GPRC5B: variants seen among roughly 807,000 people sequenced by gnomAD.
The protein encoded by GPRC5B is G protein-coupled receptor class C group 5 member B.
GPRC5B carries 16 observed loss-of-function variants against 30.1 expected under a neutral mutation model. The ratio of observed to expected loss-of-function variants is 0.53; its 90% CI spans 0.36 to 0.81. GPRC5B has a LOEUF of 0.81. Among genes scored for constraint, GPRC5B ranks in the 30% least tolerant of loss-of-function variants. The pLI is 0.01. For missense variants in GPRC5B, 428 were observed against 544.7 expected, an observed-to-expected ratio of 0.79 and a Z score of 2.13; for synonymous variants, 241 against 239.5, an observed-to-expected ratio of 1.01 and a Z score of -0.06.
chr16:19,862,109 T>C (rs2056630435), intron 2 of GPRC5B, 136 bp from the exon 3 acceptor site: 2 of 708,384 alleles, frequency 2.8e-6, no homozygotes, highest in Non-Finnish European at 4.7e-6. Flanking sequence ...GTCACAAGCC[T>C]GATTCAAAAC....
In GPRC5B at chr16:19,872,840, G is replaced by C. The variant is rs1286194460; in HGVS notation, c.6C>G (p.Phe2Leu). The change falls in exon 2 of 4, where the codon TTC becomes TTG. Residue 2 changes from phenylalanine to leucine, a missense_variant. By Grantham distance (22) the Phe-to-Leu change is conservative. Transcript: ENST00000300571. This position sits in a 1 kb window ranked among gnomAD's most constrained non-coding sequence, Gnocchi z 5.0. M[F>L]VASERKMRAH... Reference sequence around the variant, plus strand: ...CTCTCATCTTTCTCTCTGATGCCACGAACATTCTAGAAAAGCCAAGAGGGG... The same window carrying C: ...CTCTCATCTTTCTCTCTGATGCCACCAACATTCTAGAAAAGCCAAGAGGGG... The C allele has an allele frequency of 1.2e-6, 2 of 1,608,976 alleles. No homozygotes were observed. Among genetic ancestry groups the C allele is most frequent in the Non-Finnish European group, 1.7e-6 (2 of 1,176,308 alleles).
intron 2 of GPRC5B, among the ~76,000 whole-genome samples, chr16:19,866,614 A>G (rs1490842690): frequency 6.6e-6 from 1 of 150,934 alleles, no homozygotes; most frequent in African/African-American, 2.4e-5. Context: ...TTTTGAGCTC[A>G]AGCAATCTGC....
intron 1 of GPRC5B, among the ~76,000 whole-genome samples, chr16:19,878,993 C>T (rs1327333526): frequency 1.3e-5 from 2 of 152,098 alleles, no homozygotes; most frequent in African/African-American, 2.4e-5. Context: ...CACAAGGACA[C>T]GTATAGCAGC....
chr16:19,871,074 C>T (rs1172730565), intron 2 of GPRC5B, among the ~76,000 whole-genome samples: 8 of 151,280 alleles, frequency 5.3e-5, no homozygotes, highest in Admixed American at 2.6e-4. Context: ...ATTTGAGCCC[C>T]GGAGTTTGAG....
At chr16:19,871,025 G>A (rs912553229) in intron 2 of GPRC5B, among the ~76,000 whole-genome samples, 5 of 151,948 alleles carry the variant, frequency 3.3e-5, no homozygotes, top group Non-Finnish European at 4.4e-5. Flanking sequence ...GAGCATAGTG[G>A]CTCATGCCAG....
intron 1 of GPRC5B, among the ~76,000 whole-genome samples, chr16:19,884,230 T>A (rs1396240516): frequency 6.8e-6 from 1 of 147,124 alleles, no homozygotes; most frequent in Admixed American, 6.8e-5. Context: ...GGCTGCGGGC[T>A]TGACCCCCAG....
intron 1 of GPRC5B, among the ~76,000 whole-genome samples, chr16:19,884,415 C>T (rs1347509437): frequency 6.6e-6 from 1 of 151,560 alleles, no homozygotes; most frequent in Non-Finnish European, 1.5e-5. Flanking sequence ...CTGCCCTTCA[C>T]CTGTGGTCGC....
chr16:19,885,258 C>T (rs2056841713), upstream of GPRC5B: 12 of 1,287,310 alleles, frequency 9.3e-6, no homozygotes, highest in African/African-American at 1.5e-5. The surrounding 1 kb of genome is among the most constrained non-coding windows in gnomAD (Gnocchi z 5.3). Flanking sequence ...TGCCCCCAGG[C>T]CACGCTCCAA....
chr16:19,878,069 C>T (rs994277087), intron 1 of GPRC5B, among the ~76,000 whole-genome samples: 13 of 151,898 alleles, frequency 8.6e-5, no homozygotes, highest in East Asian at 2.0e-4. Flanking sequence ...CGTGGTGGCA[C>T]GTGCCTGTGA....
intron 1 of GPRC5B, among the ~76,000 whole-genome samples, chr16:19,874,003 G>A (rs545912663): frequency 5.3e-5 from 8 of 152,144 alleles, no homozygotes; most frequent in African/African-American, 1.4e-4. Context: ...GGCTGGTCTC[G>A]AACTCCTGAC....
chr16:19,860,444 C>T lies in GPRC5B; in HGVS notation c.*56G>A. 5 of 1,107,924 alleles carry T rather than the reference C, an allele frequency of 4.5e-6. No individual in the cohort carries two copies. The highest frequency in any genetic ancestry group is 6.9e-6 in the Non-Finnish European group (5 of 723,166). The allele number at this position is 1,107,924 out of a possible 1,614,324, so 68.6% of individuals were successfully genotyped here. A position where few individuals can be genotyped will look rare whatever the true frequency, so the allele number is the denominator to read the frequency against. ...ACCGATTTCTCCCTCAAGAAAGACA[C>T]AGCCAGGGAGGCAAATCGGTAAGAG... On this transcript the variant is annotated 3_prime_UTR_variant, in exon 4 of 4. Transcript: ENST00000300571.
At position 19,858,165 on chromosome 16, in the gene GPRC5B, T is replaced by C; in HGVS notation, c.*2335A>G. The C allele has an allele frequency of 4.2e-6, 1 of 239,208 alleles. No homozygotes were observed. The highest frequency in any genetic ancestry group is 8.0e-6 in the Non-Finnish European group (1 of 125,218). The allele number at this position is 239,208 out of a possible 1,614,324, so 14.8% of individuals were successfully genotyped here. A position where few individuals can be genotyped will look rare whatever the true frequency, so the allele number is the denominator to read the frequency against. ...ACAGTCTCTTGGCAAAGATGTCTCT[T>C]GATACTTTTCAGGTGTAGTCATTAG... On this transcript the variant is annotated 3_prime_UTR_variant, in exon 4 of 4. Transcript: ENST00000300571.
chr16:19,871,127 T>C (rs575929331), intron 2 of GPRC5B, among the ~76,000 whole-genome samples: 2 of 149,304 alleles, frequency 1.3e-5, no homozygotes, highest in African/African-American at 4.9e-5. Flanking sequence ...CTAAAAAGAA[T>C]AAAAAAAGTA....
At chr16:19,864,711 GATAAGGCC>G (rs1358047757) in intron 2 of GPRC5B, among the ~76,000 whole-genome samples, 2 of 152,234 alleles carry the variant, frequency 1.3e-5, no homozygotes, top group African/African-American at 4.8e-5. Context: ...AGGGCTCAAG[GATAAGGCC>G]TCTGCCTCAT....
chr16:19,860,253 C>A lies in GPRC5B; in HGVS notation c.*247G>T. ...TTGCAATTAGCTTTGCTTTAGTTTG[C>A]GGGGATTGAGGTTGGTCTGGTATTA... On this transcript the variant is annotated 3_prime_UTR_variant, in exon 4 of 4. Transcript: ENST00000300571. The A allele has an allele frequency of 4.1e-6, 2 of 485,706 alleles. No individual in the cohort carries two copies. Among genetic ancestry groups the A allele is most frequent in the Non-Finnish European group, 7.4e-6 (2 of 270,022 alleles). The allele number at this position is 485,706 out of a possible 1,614,324, so 30.1% of individuals were successfully genotyped here.
intron 1 of GPRC5B, among the ~76,000 whole-genome samples, chr16:19,876,784 G>T (rs4782296): frequency 0.72 from 109,205 of 152,166 alleles, 39,902 homozygotes; most frequent in African/African-American, 0.86. Context: ...AGGGTGGAAC[G>T]CTCTGCTCTT....
intron 1 of GPRC5B, among the ~76,000 whole-genome samples, chr16:19,877,465 A>G (rs1212656476): frequency 6.6e-6 from 1 of 152,142 alleles, no homozygotes; most frequent in Non-Finnish European, 1.5e-5. Context: ...CACCCACTCC[A>G]TAGGACAATG....
intron 2 of GPRC5B, among the ~76,000 whole-genome samples, chr16:19,865,439 T>A (rs371853589): frequency 4.6e-5 from 7 of 152,238 alleles, no homozygotes; most frequent in African/African-American, 1.7e-4. Flanking sequence ...TGACTTTAAG[T>A]GAAGGAACAT....
In GPRC5B at chr16:19,872,230, A is replaced by G. The variant is rs1171225184; in HGVS notation, c.616T>C (p.Tyr206His). Residue 206 changes from tyrosine (Y) to histidine (H), a missense_variant, in exon 2 of 4, where the codon TAC becomes CAC. Transcript: ENST00000300571. The surrounding 1 kb of genome is among the most constrained non-coding windows in gnomAD (Gnocchi z 5.0). ...EPMDFVMALI[Y>H]DMVLLVVTLG... ...GTGACCACAAGCAGTACCATGTCGT[A>G]GATGAGGGCCATCACAAAGTCCATG... 1 of 1,614,224 alleles carries G rather than the reference A, an allele frequency of 6.2e-7. No individual in the cohort carries two copies. The highest frequency in any genetic ancestry group is 1.7e-5 in the Admixed American group (1 of 60,024).
Sources: allele counts gnomAD v4.1 joint callset (sites outside exome capture counted in the v4.1 genomes callset), GRCh38; gene constraint gnomAD v4.1.1; non-coding constraint Gnocchi (gnomAD v3.1); transcripts MANE v1.5; gene names NCBI Gene and HGNC (gene_info 2026-07-23, HGNC 2026-07-21).